The following SCNN1B variants were observed in gnomAD, a reference collection of about 807,000 sequenced individuals.
SCNN1B encodes the protein epithelial sodium channel subunit beta.
In SCNN1B, 46 loss-of-function variants were observed where a neutral mutation model predicts 65.3. The ratio of observed to expected loss-of-function variants is 0.70; its 90% CI spans 0.56 to 0.90. The LOEUF (loss-of-function observed/expected upper bound fraction) is 0.90, where lower values mean the gene tolerates loss of function less well. Ranked by LOEUF, SCNN1B falls within the 40% of genes least tolerant of loss-of-function variation. SCNN1B has a pLI of 0.00. For synonymous variants in SCNN1B, 349 were observed against 330.6 expected (o/e 1.06, Z -0.60); for missense variants, 751 against 830.5 (o/e 0.90, Z 1.18).
At chr16:23,356,868 G>A (rs1364652332) in intron 4 of SCNN1B, among the ~76,000 whole-genome samples, 6 of 152,184 alleles carry the variant, frequency 3.9e-5, no homozygotes, top group Admixed American at 1.3e-4. Flanking sequence ...AACCAGAAAC[G>A]GGGGGAATCT....
rs771683506 is a variant in SCNN1B, at chr16:23,377,317, C to A, written c.1347-12C>A. 8.2e-5 allele frequency: 133 copies of A among 1,614,050 alleles called. No individual in the cohort carries two copies. The highest frequency in any genetic ancestry group is 1.1e-4 in the Non-Finnish European group (128 of 1,180,022). On this transcript the variant is annotated splice_polypyrimidine_tract_variant and intron_variant, in intron 9 of 12. Transcript: ENST00000343070. Reference sequence around the variant, plus strand: ...TGGCAGGGACCACAACAGGCCTGGCCTTCTCTTTCAGTGACACCCAGTACA... The same window carrying A: ...TGGCAGGGACCACAACAGGCCTGGCATTCTCTTTCAGTGACACCCAGTACA...
Position 23,348,164 on chromosome 16 carries a change from T to A in SCNN1B, c.-8-428T>A. Among the ~76,000 whole-genome samples the A allele has an allele frequency of 6.6e-6, 1 of 152,122 alleles. No individual in the cohort carries two copies. Among genetic ancestry groups the A allele is most frequent in the South Asian group, 2.1e-4 (1 of 4,824 alleles). On this transcript the variant is annotated intron_variant, in intron 1 of 12. Transcript: ENST00000343070. The surrounding 1 kb of genome is among the most constrained non-coding windows in gnomAD (Gnocchi z 4.5). ...CAGTGGCCCTGGCTGGGAATCTACTTTCTTTTCTCATCAATGTTACAATGA... is the reference window on the plus strand; with the variant it reads ...CAGTGGCCCTGGCTGGGAATCTACTATCTTTTCTCATCAATGTTACAATGA...
intron 11 of SCNN1B, among the ~76,000 whole-genome samples, chr16:23,379,717 C>T (rs767496284): frequency 6.6e-6 from 1 of 152,144 alleles, no homozygotes; most frequent in Non-Finnish European, 1.5e-5. Context: ...GAGCTCAGAG[C>T]AGATCTTTGG....
chr16:23,278,290 C>G (rs1596800768), exon 1 of SCNN1B: 1 of 152,232 alleles, frequency 6.6e-6, no homozygotes. Context: ...GAAGTCAGGT[C>G]CTCTAAGTTG....
chr16:23,354,392 G>C (rs138330563), intron 3 of SCNN1B, among the ~76,000 whole-genome samples: 7 of 152,372 alleles, frequency 4.6e-5, no homozygotes, highest in Non-Finnish European at 7.3e-5. Context: ...AGAATGCCAG[G>C]GGAAGCTTCT....
chr16:23,359,260 G>A (rs1271179384), intron 4 of SCNN1B: 1 of 152,108 alleles, frequency 6.6e-6, no homozygotes, highest in Non-Finnish European at 1.5e-5. Context: ...GCCCAGAGAG[G>A]TTAAGTAACA....
intron 1 of SCNN1B, among the ~76,000 whole-genome samples, chr16:23,320,671 C>T (rs899657655): frequency 4.6e-5 from 7 of 152,224 alleles, no homozygotes; most frequent in East Asian, 1.9e-4. Context: ...AGTTTACAGC[C>T]GAGGCCCCCT....
intron 2 of SCNN1B, among the ~76,000 whole-genome samples, chr16:23,295,780 T>G (rs1010935174): frequency 6.6e-6 from 1 of 152,196 alleles, no homozygotes; most frequent in Non-Finnish European, 1.5e-5. Flanking sequence ...TGTTAGAGCC[T>G]TTTAAAGTCT....
chr16:23,370,002 C>T (rs375888093), intron 5 of SCNN1B, among the ~76,000 whole-genome samples: 1 of 152,208 alleles, frequency 6.6e-6, no homozygotes, highest in South Asian at 2.1e-4. Flanking sequence ...GCAATCTTGG[C>T]TCACTGCAAC....
At chr16:23,329,385 G>A (rs1018627329) in intron 1 of SCNN1B, among the ~76,000 whole-genome samples, 1 of 152,142 alleles carries the variant, frequency 6.6e-6, no homozygotes, top group African/African-American at 2.4e-5. Context: ...CAAAGTGCTT[G>A]GATTACAGTT....
In SCNN1B at chr16:23,371,399, C is replaced by G. The variant is rs1962780527; in HGVS notation, c.981C>G (p.Pro327=). 6.2e-7 allele frequency: 1 copy of G among 1,614,144 alleles called. No individual in the cohort carries two copies. Among genetic ancestry groups the G allele is most frequent in the Non-Finnish European group, 8.5e-7 (1 of 1,180,004 alleles). Residue 327 remains proline, a synonymous_variant, in exon 6 of 13, where the codon CCC becomes CCG. Coordinates refer to ENST00000343070, the MANE Select transcript of SCNN1B (RefSeq NM_000336.3). ...TGCTTCACGAGCAGAGGTCATACCC[C>G]TTCATCAGAGATGAGGGCATCTACG... The part of the protein sequence containing the change: ...RLMLHEQRSY[P]FIRDEGIYAM...
chr16:23,294,692 C>T (rs1960970867), intron 2 of SCNN1B, among the ~76,000 whole-genome samples: 1 of 151,988 alleles, frequency 6.6e-6, no homozygotes, highest in South Asian at 2.1e-4. Flanking sequence ...TCTGATCATC[C>T]TATTTAAAGC....
chr16:23,307,213 G>C (rs1223522813), intron 1 of SCNN1B, among the ~76,000 whole-genome samples: 1 of 151,718 alleles, frequency 6.6e-6, no homozygotes, highest in Non-Finnish European at 1.5e-5. Flanking sequence ...AAGACAGAGT[G>C]AATGCACTGC....
chr16:23,368,231 G>C (rs1180189520), intron 5 of SCNN1B, among the ~76,000 whole-genome samples: 1 of 152,152 alleles, frequency 6.6e-6, no homozygotes, highest in South Asian at 2.1e-4. Context: ...AAGCAGCACA[G>C]CTTCGTGGTC....
chr16:23,312,536 T>A (rs984084829), intron 1 of SCNN1B, among the ~76,000 whole-genome samples: 1 of 151,952 alleles, frequency 6.6e-6, no homozygotes, highest in African/African-American at 2.4e-5. Context: ...TCTGATAACC[T>A]CCAAATGGCT....
In SCNN1B at chr16:23,302,348, C is replaced by A; in HGVS notation, c.-98C>A. 1 of 158,876 alleles carries A rather than the reference C, an allele frequency of 6.3e-6. No homozygotes were observed. The highest frequency in any genetic ancestry group is 1.8e-4 in the South Asian group (1 of 5,662). 9.8% of individuals were successfully genotyped at this position (158,876 alleles called of 1,614,324 possible). ...CGGGTGTCCCAGTGTCACCAACACT[C>A]GGCCGCCGCCGCCAGCTTGGCGCGC... is the stretch of plus-strand genomic sequence containing the variant. On this transcript the variant is annotated 5_prime_UTR_variant, in exon 1 of 13. Coordinates refer to ENST00000343070, the MANE Select transcript of SCNN1B (RefSeq NM_000336.3).
chr16:23,345,751 G>C (rs1223665318), intron 1 of SCNN1B, among the ~76,000 whole-genome samples: 1 of 152,212 alleles, frequency 6.6e-6, no homozygotes, highest in Non-Finnish European at 1.5e-5. Context: ...ATCTTCACCT[G>C]AAACCTCAGT....
At chr16:23,313,675 G>A (rs1416326622) in intron 1 of SCNN1B, among the ~76,000 whole-genome samples, 2 of 151,938 alleles carry the variant, frequency 1.3e-5, no homozygotes, top group Admixed American at 6.6e-5. Context: ...GCAGTGGCAC[G>A]ATCTCGGCTC....
At chr16:23,375,877 C>A in intron 8 of SCNN1B, 22 bp downstream of exon 8, 1 of 1,493,834 alleles carries the variant, frequency 6.7e-7, no homozygotes, top group Non-Finnish European at 9.3e-7. Flanking sequence ...CACGGGGGAT[C>A]GGCACTCCAG....
Sources: gnomAD v4.1 joint callset for allele counts (sites outside exome capture counted in the v4.1 genomes callset) on GRCh38, gnomAD v4.1.1 for gene constraint, Gnocchi (gnomAD v3.1) non-coding constraint, MANE v1.5 for transcripts, NCBI Gene and HGNC (gene_info 2026-07-23, HGNC 2026-07-21) for gene names.